LCORL: variants seen among roughly 807,000 people sequenced by gnomAD.
LCORL encodes ligand-dependent nuclear receptor corepressor-like protein.
LCORL carries 41 observed loss-of-function variants against 141.8 expected under a neutral mutation model. That is an observed-to-expected ratio of 0.29 (90% CI 0.23 to 0.38). The LOEUF (loss-of-function observed/expected upper bound fraction) is 0.38. LCORL is among the 10% of genes least tolerant of loss of function. The probability of loss-of-function intolerance (pLI) is 1.00; values close to 1 mark genes in which losing one functional copy is unlikely to be tolerated. For synonymous variants in LCORL, 618 were observed against 694.1 expected (o/e 0.89, Z 1.72); for missense variants, 1,759 against 2,035.0 (o/e 0.86, Z 2.61).
chr4:17,874,696 T>G lies in LCORL; in HGVS notation c.4294A>C (p.Asn1432His), dbSNP rs929587375. ...TTTAATTCCTCTAATAAGGAATCAT[T>G]TGAAGCAGAAGTAGCCCACCACCTG... Residue 1432 changes from asparagine to histidine, a missense_variant, in exon 7 of 8, where the codon AAT becomes CAT. Coordinates refer to ENST00000635767, the Ensembl canonical transcript of LCORL. 11 of 1,233,776 alleles carry G rather than the reference T, an allele frequency of 8.9e-6. No homozygotes were observed. The African/African-American group carries it at 1.7e-4, about 19-fold the overall frequency. 76.4% of individuals were successfully genotyped at this position (1,233,776 alleles called of 1,614,324 possible). A position where few individuals can be genotyped will look rare whatever the true frequency, so the allele number is the denominator to read the frequency against.
chr4:17,946,114 T>TAA (rs1738837452), intron 4 of LCORL, among the ~76,000 whole-genome samples: 1 of 151,954 alleles, frequency 6.6e-6, no homozygotes, highest in South Asian at 2.1e-4. Flanking sequence ...TCAGTTCTCA[T>TAA]AACAAAACAA....
chr4:17,976,217 T>C (rs1304642374), intron 1 of LCORL, among the ~76,000 whole-genome samples: 2 of 152,196 alleles, frequency 1.3e-5, no homozygotes, highest in African/African-American at 2.4e-5. Context: ...TCTGAAAATA[T>C]CTGTTTTTTG....
rs1467960407 is a variant in LCORL at position 17,893,364 on chromosome 4, A to G, written c.683-7203T>C. ...AATATGTGATCCTTCCATACTATTG[A>G]GCTAAGTAAATGAATTTAAGTATTA... On this transcript the variant is annotated intron_variant, in intron 5 of 7. Transcript: ENST00000635767. 4.2e-6 allele frequency: 4 copies of G among 950,330 alleles called. No individual in the cohort carries two copies. The African/African-American group carries it at 5.3e-5, about 13-fold the overall frequency. The allele number at this position is 950,330 out of a possible 1,614,324, so 58.9% of individuals were successfully genotyped here.
chr4:17,925,477 C>T lies in LCORL; in HGVS notation c.431-16132G>A, dbSNP rs7685269. 2.4e-3 allele frequency among the ~76,000 whole-genome samples: 367 copies of T among 152,182 alleles called. 2 individuals are homozygous for T. The highest frequency in any genetic ancestry group is 7.7e-3 in the African/African-American group (319 of 41,516). Reference sequence around the variant, plus strand: ...GTGCCTGCTGAAGGGAAAGGGGATACAGAAGGGGTAGTAGAAGGTAGTAAT... The same window carrying T: ...GTGCCTGCTGAAGGGAAAGGGGATATAGAAGGGGTAGTAGAAGGTAGTAAT... On this transcript the variant is annotated intron_variant, in intron 4 of 7. Transcript: ENST00000635767.
intron 1 of LCORL, among the ~76,000 whole-genome samples, chr4:18,008,684 T>C (rs765420426): frequency 6.6e-6 from 1 of 152,142 alleles, no homozygotes. Flanking sequence ...TATAAAAACT[T>C]AGAATCTGCC....
intron 4 of LCORL, among the ~76,000 whole-genome samples, chr4:17,917,878 G>A (rs1378567848): frequency 6.6e-6 from 1 of 152,198 alleles, no homozygotes; most frequent in Non-Finnish European, 1.5e-5. Flanking sequence ...AGTAAGTACA[G>A]CAAGCTATCA....
chr4:17,854,932 T>C (rs1577250487), intron 7 of LCORL, among the ~76,000 whole-genome samples: 1 of 152,212 alleles, frequency 6.6e-6, no homozygotes, highest in East Asian at 1.9e-4. Flanking sequence ...TTATTTATAT[T>C]AACTTTGTTT....
At chr4:17,898,126 ACT>A (rs982650942) in intron 5 of LCORL, among the ~76,000 whole-genome samples, 2 of 152,106 alleles carry the variant, frequency 1.3e-5, no homozygotes, top group African/African-American at 2.4e-5. Flanking sequence ...TGTTCTACAG[ACT>A]CAAAAAATAA....
In LCORL at chr4:17,990,105, T is replaced by G. The variant is rs191329642; in HGVS notation, c.155-17220A>C. On this transcript the variant is annotated intron_variant, in intron 1 of 7. Transcript: ENST00000635767. ...AAAGAAAACTCTCTGCGTTTTTTTT[T>G]TTTTTTTTTTTGAAATGGAGTCTCG... is the stretch of plus-strand genomic sequence containing the variant. Among the ~76,000 whole-genome samples, 991 of 150,148 alleles carry G rather than the reference T, an allele frequency of 6.6e-3. 34 individuals are homozygous for G. In the East Asian group the frequency reaches 0.097, roughly 15 times the overall value.
chr4:17,982,812 T>C (rs1212170819), intron 1 of LCORL, among the ~76,000 whole-genome samples: 2 of 152,232 alleles, frequency 1.3e-5, no homozygotes, highest in Non-Finnish European at 2.9e-5. Context: ...CAATTACTTT[T>C]GGCATCTTTG....
chr4:17,894,307 A>G (rs926083205), intron 5 of LCORL, among the ~76,000 whole-genome samples: 5 of 152,188 alleles, frequency 3.3e-5, no homozygotes, highest in Non-Finnish European at 5.9e-5. Flanking sequence ...TTGCTTCAAA[A>G]AATTTCTTGT....
exon 7 of LCORL, chr4:17,876,813 G>T: frequency 8.1e-7 from 1 of 1,230,638 alleles, no homozygotes; most frequent in Non-Finnish European, 1.0e-6. Context: ...CATTTTCTCA[G>T]GGGAAGTTGT....
At chr4:17,927,163 T>G (rs983310552) in intron 4 of LCORL, among the ~76,000 whole-genome samples, 2 of 152,254 alleles carry the variant, frequency 1.3e-5, no homozygotes, top group African/African-American at 4.8e-5. Context: ...TTTCATGTAA[T>G]GGAGACAGCT....
chr4:17,943,724 A>G (rs959848561), intron 4 of LCORL, among the ~76,000 whole-genome samples: 1 of 152,222 alleles, frequency 6.6e-6, no homozygotes, highest in Non-Finnish European at 1.5e-5. Flanking sequence ...CCCATGTAGA[A>G]TGAGGAATAT....
chr4:17,889,972 C>A (rs1728851781), intron 5 of LCORL, among the ~76,000 whole-genome samples: 2 of 151,974 alleles, frequency 1.3e-5, no homozygotes, highest in African/African-American at 4.8e-5. Flanking sequence ...CATGCTATTA[C>A]AAGATAATAC....
At chr4:17,893,488 G>C in intron 5 of LCORL, 1 of 985,400 alleles carries the variant, frequency 1.0e-6, no homozygotes, top group African/African-American at 1.7e-5. Flanking sequence ...TGGTAGGTCA[G>C]TGGGGCTGAG....
At chr4:17,842,752 G>A (rs114832458) in exon 8 of LCORL, 1 of 178,318 alleles carries the variant, frequency 5.6e-6, no homozygotes, top group South Asian at 1.3e-4. Flanking sequence ...ATATTGTGTG[G>A]TAGAGTGTTT....
intron 6 of LCORL, among the ~76,000 whole-genome samples, chr4:17,878,691 C>G (rs1727176887): frequency 1.3e-5 from 2 of 151,102 alleles, no homozygotes; most frequent in Non-Finnish European, 3.0e-5. Flanking sequence ...TTTCCATAAT[C>G]ACAAGGAAAA....
exon 8 of LCORL, chr4:17,841,418 C>G (rs930201595): frequency 6.6e-6 from 1 of 151,816 alleles, no homozygotes; most frequent in African/African-American, 2.4e-5. Context: ...GTTTTGTAAC[C>G]AGTAAATTAT....
Sources: gnomAD v4.1 joint callset for allele counts (sites outside exome capture counted in the v4.1 genomes callset) on GRCh38, gnomAD v4.1.1 for gene constraint, MANE v1.5 for transcripts, NCBI Gene and HGNC (gene_info 2026-07-23, HGNC 2026-07-21) for gene names.